The following CDH13 variants were observed in gnomAD, a reference collection of about 807,000 sequenced individuals.
CDH13 encodes cadherin-13.
CDH13 carries 24 observed loss-of-function variants against 63.8 expected under a neutral mutation model. That is an observed-to-expected ratio of 0.38 (90% confidence interval 0.27 to 0.53). The LOEUF (loss-of-function observed/expected upper bound fraction) is 0.53. CDH13 is among the 20% of genes least tolerant of loss of function. CDH13 has a pLI of 0.85. For missense variants in CDH13, 1,049 were observed against 903.1 expected (o/e 1.16, Z -2.07); for synonymous variants, 503 against 355.3 (o/e 1.42, Z -4.67).
At chr16:83,567,714 G>C (rs1197216577) in intron 7 of CDH13, among the ~76,000 whole-genome samples, 2 of 152,140 alleles carry the variant, frequency 1.3e-5, no homozygotes, top group Non-Finnish European at 2.9e-5. Context: ...TCCTGTCTCA[G>C]CCTCCTGAAT....
chr16:83,667,571 C>A (rs189611305), intron 8 of CDH13, among the ~76,000 whole-genome samples: 9 of 152,160 alleles, frequency 5.9e-5, no homozygotes, highest in African/African-American at 1.7e-4. Context: ...CATTAGGCAC[C>A]ATTATCACAG....
rs141595534 is a variant in CDH13 at position 83,444,529 on chromosome 16, G to T, written c.782-41948G>T. 2.6e-4 allele frequency among the ~76,000 whole-genome samples: 40 copies of T among 152,314 alleles called. No individual in the cohort carries two copies. The East Asian group carries it at 3.7e-3, about 14-fold the overall frequency. On this transcript the variant is annotated intron_variant, in intron 6 of 13. Transcript: ENST00000567109. ...ATGTGCTCAAGGGCACCCACCTGAT[G>T]AGTGGCAGAACCAGGCTTTACAACC...
At chr16:82,701,073 G>GT (rs1753003588) in intron 1 of CDH13, among the ~76,000 whole-genome samples, 2 of 148,722 alleles carry the variant, frequency 1.3e-5, no homozygotes, top group Admixed American at 6.8e-5. Flanking sequence ...TCCTCTTCCT[G>GT]TTTTTTTCTC....
At chr16:83,240,717 CTTTTTTT>C (rs56753707) in intron 5 of CDH13, among the ~76,000 whole-genome samples, 10,728 of 81,558 alleles carry the variant, frequency 0.13, 653 homozygotes, top group Middle Eastern at 0.26. Flanking sequence ...CTGTCTTAAT[CTTTTTTT>C]TTTTTTTTTT....
intron 5 of CDH13, among the ~76,000 whole-genome samples, chr16:83,271,730 C>G (rs76896800): frequency 0.015 from 2,352 of 152,160 alleles, 35 homozygotes; most frequent in African/African-American, 0.033. Context: ...TTTGCAAAGT[C>G]TTTTACTAGA....
At chr16:83,787,302 ATTGTTTGT>A (rs201491175) in intron 13 of CDH13, among the ~76,000 whole-genome samples, 2 of 151,844 alleles carry the variant, frequency 1.3e-5, no homozygotes, top group African/African-American at 2.4e-5. Context: ...ATTCATCTTT[ATTGTTTGT>A]TTGTTTGTTT....
chr16:82,738,477 C>T (rs1040195414), intron 1 of CDH13, among the ~76,000 whole-genome samples: 1 of 152,212 alleles, frequency 6.6e-6, no homozygotes, highest in African/African-American at 2.4e-5. Flanking sequence ...TTTAGCACAT[C>T]ACCTTTCTGC....
chr16:83,739,175 G>A (rs1911823113), intron 10 of CDH13, among the ~76,000 whole-genome samples: 1 of 152,126 alleles, frequency 6.6e-6, no homozygotes. Flanking sequence ...GAACAAATGT[G>A]GTTTATGCTG....
At chr16:83,138,274 C>T (rs1400407073) in intron 4 of CDH13, among the ~76,000 whole-genome samples, 1 of 152,160 alleles carries the variant, frequency 6.6e-6, no homozygotes, top group Non-Finnish European at 1.5e-5. Context: ...AAGCACTGCA[C>T]TGGCTACTGC....
intron 6 of CDH13, among the ~76,000 whole-genome samples, chr16:83,372,128 A>G (rs563820765): frequency 6.6e-6 from 1 of 152,314 alleles, no homozygotes; most frequent in South Asian, 2.1e-4. Flanking sequence ...TACGCCTTTC[A>G]GATGTACACC....
chr16:82,987,784 C>G (rs1191813430), intron 2 of CDH13, among the ~76,000 whole-genome samples: 1 of 152,210 alleles, frequency 6.6e-6, no homozygotes, highest in Non-Finnish European at 1.5e-5. Flanking sequence ...CATTCTTCAG[C>G]AAGGGTCTGT....
chr16:83,028,683 T>G (rs1258740284), intron 2 of CDH13, among the ~76,000 whole-genome samples: 1 of 152,110 alleles, frequency 6.6e-6, no homozygotes, highest in East Asian at 1.9e-4. Flanking sequence ...TTAACAACAA[T>G]AACTAATGAT....
chr16:83,238,261 C>G (rs1041398979), intron 5 of CDH13, among the ~76,000 whole-genome samples: 1 of 151,536 alleles, frequency 6.6e-6, no homozygotes, highest in East Asian at 1.9e-4. Flanking sequence ...TACAGTTCCA[C>G]ATGTCTGGGG....
chr16:83,440,512 G>A (rs1319578798), intron 6 of CDH13, among the ~76,000 whole-genome samples: 1 of 152,148 alleles, frequency 6.6e-6, no homozygotes, highest in Non-Finnish European at 1.5e-5. Flanking sequence ...AGGCACGGTG[G>A]CTTATGCCTG....
intron 4 of CDH13, among the ~76,000 whole-genome samples, chr16:83,149,125 G>C (rs973911904): frequency 3.3e-5 from 5 of 152,170 alleles, no homozygotes; most frequent in African/African-American, 9.7e-5. Flanking sequence ...AGATACAGTA[G>C]TTCTATGGTA....
At chr16:83,527,440 C>A (rs1391833131) in intron 7 of CDH13, among the ~76,000 whole-genome samples, 1 of 150,096 alleles carries the variant, frequency 6.7e-6, no homozygotes, top group African/African-American at 2.5e-5. Context: ...CAAAGCGAGA[C>A]CCCATCTCAA....
At chr16:83,794,697 G>A (rs543940635) in intron 13 of CDH13, among the ~76,000 whole-genome samples, 1 of 151,872 alleles carries the variant, frequency 6.6e-6, no homozygotes, top group East Asian at 1.9e-4. Flanking sequence ...AAGATACATA[G>A]CATGCTCATA....
chr16:82,974,235 G>A (rs530235118), intron 2 of CDH13, among the ~76,000 whole-genome samples: 10 of 152,192 alleles, frequency 6.6e-5, no homozygotes, highest in South Asian at 6.2e-4. Context: ...CACCATGCCC[G>A]GCCTAAGCTT....
At chr16:83,438,640 A>T (rs2072390959) in intron 6 of CDH13, among the ~76,000 whole-genome samples, 1 of 152,268 alleles carries the variant, frequency 6.6e-6, no homozygotes, top group African/African-American at 2.4e-5. Context: ...ACCAAGAGCT[A>T]TTCAGCTCTT....
Sources: gnomAD v4.1 joint callset for allele counts (sites outside exome capture counted in the v4.1 genomes callset) on GRCh38, gnomAD v4.1.1 for gene constraint, MANE v1.5 for transcripts, NCBI Gene and HGNC (gene_info 2026-07-23, HGNC 2026-07-21) for gene names.